The following NAV2 variants were observed in gnomAD, a reference collection of about 807,000 sequenced individuals.
NAV2 encodes the protein neuron navigator 2, also known as helicase, APC down-regulated 1.
NAV2 carries 54 observed loss-of-function variants against 223.2 expected under a neutral mutation model. The ratio of observed to expected loss-of-function variants is 0.24; its 90% CI spans 0.19 to 0.30. The LOEUF (loss-of-function observed/expected upper bound fraction) is 0.30. Among genes scored for constraint, NAV2 ranks in the 10% least tolerant of loss-of-function variants. The pLI, the probability that NAV2 is intolerant of heterozygous loss-of-function variation, is 1.00. For synonymous variants in NAV2, 1,279 were observed against 1,239.3 expected (o/e 1.03, Z -0.67); for missense variants, 2,806 against 3,147.5 (o/e 0.89, Z 2.60).
intron 5 of NAV2, among the ~76,000 whole-genome samples, chr11:19,891,585 C>G (rs1162222227): frequency 1.3e-5 from 2 of 152,180 alleles, no homozygotes; most frequent in Non-Finnish European, 2.9e-5. Flanking sequence ...TGTTATCCAT[C>G]TACTGTGCAG....
intron 1 of NAV2, among the ~76,000 whole-genome samples, chr11:19,397,035 G>A (rs1294701069): frequency 6.6e-6 from 1 of 152,126 alleles, no homozygotes; most frequent in Non-Finnish European, 1.5e-5. Context: ...GCTCTGCCCT[G>A]GATGAAGCTT....
chr11:19,765,398 C>CCTCCCTCT (rs1401083857), intron 1 of NAV2, among the ~76,000 whole-genome samples: 9 of 149,888 alleles, frequency 6.0e-5, no homozygotes, highest in Admixed American at 2.0e-4. Flanking sequence ...TCCTTCCCTC[C>CCTCCCTCT]CTCCCTCTCT....
intron 1 of NAV2, among the ~76,000 whole-genome samples, chr11:19,768,157 G>A (rs1243532893): frequency 1.3e-5 from 2 of 152,220 alleles, no homozygotes; most frequent in Non-Finnish European, 2.9e-5. Flanking sequence ...CTGCACGCAC[G>A]TTGAGTGGCT....
At chr11:19,735,055 TGA>T (rs1466905109) in intron 1 of NAV2, among the ~76,000 whole-genome samples, 2 of 152,172 alleles carry the variant, frequency 1.3e-5, no homozygotes, top group African/African-American at 4.8e-5. Flanking sequence ...CATTTGTAAA[TGA>T]GGATAATAGT....
rs569656998 is a variant in NAV2, at chr11:19,424,714, T to A, written c.75+73687T>A. Among the ~76,000 whole-genome samples, 199 of 135,782 alleles carry A rather than the reference T, an allele frequency of 1.5e-3. 1 individual carries two copies. The highest frequency in any genetic ancestry group is 6.6e-3 in the African/African-American group (185 of 28,056). The allele number at this position is 135,782 out of a possible 152,430, so 89.1% of individuals were successfully genotyped here. On this transcript the variant is annotated intron_variant, in intron 1 of 37. Coordinates refer to the NAV2 transcript ENST00000360655. Reference sequence around the variant, plus strand: ...TAGGTGCCTGCCACACGTCTGGCTATTTTTTTTTGTATTTTTAGCAGAGAT... The same window carrying A: ...TAGGTGCCTGCCACACGTCTGGCTAATTTTTTTTGTATTTTTAGCAGAGAT...
At chr11:19,467,259 C>T (rs550863562) in intron 1 of NAV2, among the ~76,000 whole-genome samples, 36 of 152,258 alleles carry the variant, frequency 2.4e-4, no homozygotes, top group Middle Eastern at 3.4e-3. Context: ...GTCAATAAGG[C>T]ATATTTCTTC....
At chr11:19,827,275 C>T (rs2059687305) in intron 1 of NAV2, among the ~76,000 whole-genome samples, 2 of 152,084 alleles carry the variant, frequency 1.3e-5, no homozygotes, top group African/African-American at 4.8e-5. Flanking sequence ...AGCTGGTAGT[C>T]AGTACTTGAG....
At chr11:19,887,131 G>T (rs1373325433) in intron 5 of NAV2, among the ~76,000 whole-genome samples, 1 of 152,124 alleles carries the variant, frequency 6.6e-6, no homozygotes, top group Non-Finnish European at 1.5e-5. Flanking sequence ...CTGGAGCTCT[G>T]GAAATAGGTC....
chr11:19,709,397 C>G (rs2049788248), upstream of NAV2, among the ~76,000 whole-genome samples: 1 of 151,640 alleles, frequency 6.6e-6, no homozygotes, highest in Admixed American at 6.6e-5. Context: ...AAAAAATTAG[C>G]TGGGCATGGT....
intron 3 of NAV2, among the ~76,000 whole-genome samples, chr11:19,860,273 A>T (rs2061671961): frequency 7.2e-6 from 1 of 138,258 alleles, no homozygotes. Flanking sequence ...CACTTCTCAG[A>T]CGGGGCGGCT....
Position 20,012,449 on chromosome 11 carries a change from G to A in NAV2, c.2769-23510G>A, listed in dbSNP as rs562346011. Among the ~76,000 whole-genome samples the A allele has an allele frequency of 2.0e-4, 31 of 151,842 alleles. 1 individual carries two copies. Among genetic ancestry groups the A allele is most frequent in the Non-Finnish European group, 3.5e-4 (24 of 67,920 alleles). The stretch of plus-strand genomic sequence containing the variant: ...CCAGAACTTTGGGAGGCCGAGGCAG[G>A]TGGATCACCTGAATCAGGAGTTCAA... On this transcript the variant is annotated intron_variant, in intron 11 of 37. Transcript: ENST00000349880.
intron 1 of NAV2, among the ~76,000 whole-genome samples, chr11:19,697,278 C>G (rs2049371483): frequency 6.6e-6 from 1 of 152,026 alleles, no homozygotes; most frequent in Admixed American, 6.6e-5. Flanking sequence ...GATTGCTAGA[C>G]AGGAGAGGGA....
chr11:19,645,090 G>A (rs1180946065), intron 1 of NAV2, among the ~76,000 whole-genome samples: 1 of 152,242 alleles, frequency 6.6e-6, no homozygotes, highest in Non-Finnish European at 1.5e-5. Flanking sequence ...TGGAAGTCCA[G>A]TACGGGTTTC....
chr11:20,050,167 A>T (rs909166324), intron 16 of NAV2, among the ~76,000 whole-genome samples: 1 of 152,092 alleles, frequency 6.6e-6, no homozygotes, highest in Non-Finnish European at 1.5e-5. Context: ...GGGGCAGCGG[A>T]AGCTCTCGCT....
At chr11:19,488,242 A>G (rs1294466348) in intron 1 of NAV2, among the ~76,000 whole-genome samples, 1 of 152,184 alleles carries the variant, frequency 6.6e-6, no homozygotes, top group Non-Finnish European at 1.5e-5. Context: ...TGCTTTTTGT[A>G]TCCGTTGATT....
At chr11:19,548,029 G>A (rs1424234284) in intron 1 of NAV2, among the ~76,000 whole-genome samples, 2 of 152,170 alleles carry the variant, frequency 1.3e-5, no homozygotes, top group African/African-American at 4.8e-5. Flanking sequence ...CACCTAGCTG[G>A]TGAGTAACAG....
At chr11:19,757,492 G>A (rs777667738) in intron 1 of NAV2, among the ~76,000 whole-genome samples, 9 of 152,226 alleles carry the variant, frequency 5.9e-5, no homozygotes, top group East Asian at 1.9e-4. Flanking sequence ...CCTCTGCCTC[G>A]GGTTAACTGT....
intron 1 of NAV2, among the ~76,000 whole-genome samples, chr11:19,557,636 A>G (rs2044942420): frequency 6.6e-6 from 1 of 152,172 alleles, no homozygotes; most frequent in Admixed American, 6.5e-5. Flanking sequence ...ACGTAGACAC[A>G]CTTCAACTTG....
At position 19,692,208 on chromosome 11, in the gene NAV2, G is replaced by T. The variant is rs139364382; in HGVS notation, c.76-140276G>T. ...CACACTGGCTGAGGGCCTCACCACCGGGGTTGCGGGTGTTGTCTGAACTAG... is the reference window on the plus strand; with the variant it reads ...CACACTGGCTGAGGGCCTCACCACCTGGGTTGCGGGTGTTGTCTGAACTAG... On this transcript the variant is annotated intron_variant, in intron 1 of 37. Transcript: ENST00000360655. Among the ~76,000 whole-genome samples, 1,321 of 152,366 alleles carry T rather than the reference G, an allele frequency of 8.7e-3. 8 individuals are homozygous for T. Among genetic ancestry groups the T allele is most frequent in the African/African-American group, 0.031 (1,269 of 41,578 alleles).
Sources: allele counts gnomAD v4.1 joint callset (sites outside exome capture counted in the v4.1 genomes callset), GRCh38; gene constraint gnomAD v4.1.1; transcripts MANE v1.5; gene names NCBI Gene and HGNC (gene_info 2026-07-23, HGNC 2026-07-21).